PACSIN2: variants seen among roughly 807,000 people sequenced by gnomAD.
The protein encoded by PACSIN2 is protein kinase C and casein kinase substrate in neurons protein 2.
Under a neutral mutation model 63.8 loss-of-function variants are expected in PACSIN2, and 25 were observed. That is an observed-to-expected ratio of 0.39 (90% CI 0.29 to 0.55). PACSIN2 has a LOEUF of 0.55. Among genes scored for constraint, PACSIN2 ranks in the 20% least tolerant of loss-of-function variants. The pLI is 0.62. For synonymous variants in PACSIN2, 255 were observed against 256.2 expected (o/e 1.00, Z 0.05); for missense variants, 518 against 646.9 (o/e 0.80, Z 2.16).
chr22:43,010,398 A>ATATATATTTT lies in PACSIN2; in HGVS notation c.-78+4622_-78+4623insAAAATATATA. 3.0e-3 allele frequency among the ~76,000 whole-genome samples: 375 copies of ATATATATTTT among 126,402 alleles called. 5 individuals carry two copies. Among genetic ancestry groups the ATATATATTTT allele is most frequent in the African/African-American group, 9.4e-3 (334 of 35,348 alleles). 82.9% of individuals were successfully genotyped at this position (126,402 alleles called of 152,430 possible). A position where few individuals can be genotyped will look rare whatever the true frequency, so the allele number is the denominator to read the frequency against. Reference sequence around the variant, plus strand: ...TGTTTAAAAATACATATATATATATATTTTTTTTTAATTGAAAATAAAAAA... The same window carrying ATATATATTTT: ...TGTTTAAAAATACATATATATATATATATATATTTTTTTTTTTTTAATTGAAAATAAAAAA... On this transcript the variant is annotated intron_variant, in intron 1 of 10. Coordinates refer to ENST00000263246, the MANE Select transcript of PACSIN2 (RefSeq NM_001184970.3).
intron 1 of PACSIN2, among the ~76,000 whole-genome samples, chr22:42,950,659 C>T (rs1018427396): frequency 6.6e-6 from 1 of 152,198 alleles, no homozygotes; most frequent in African/African-American, 2.4e-5. Flanking sequence ...AAGTAGCATT[C>T]TTACGTCTAA....
intron 1 of PACSIN2, among the ~76,000 whole-genome samples, chr22:42,951,697 C>T (rs1365949512): frequency 6.6e-6 from 1 of 152,228 alleles, no homozygotes; most frequent in Non-Finnish European, 1.5e-5. Context: ...GTGGCCGCTT[C>T]ACACCACCTC....
intron 1 of PACSIN2, among the ~76,000 whole-genome samples, chr22:42,921,954 G>C (rs2146749396): frequency 1.3e-5 from 2 of 152,212 alleles, no homozygotes; most frequent in African/African-American, 4.8e-5. Context: ...GGCCAGGCTG[G>C]TCTCGAACTC....
Position 42,999,363 on chromosome 22 carries a change from G to A in PACSIN2, c.-78+15658C>T, listed in dbSNP as rs369963580. Among the ~76,000 whole-genome samples the A allele has an allele frequency of 3.9e-5, 6 of 152,234 alleles. No homozygotes were observed. In the South Asian group the frequency reaches 1.0e-3, roughly 26 times the overall value. On this transcript the variant is annotated intron_variant, in intron 1 of 10. Transcript: ENST00000263246. ...AATGTGTGTGTGTATGTGTGTGTAC[G>A]GAGGCATTAAAAAATCTGTCTACAG...
rs532872657 is a variant in PACSIN2 at position 42,928,972 on chromosome 22, G to A, written c.-77-16815C>T. Among the ~76,000 whole-genome samples, 3 of 152,344 alleles carry A rather than the reference G, an allele frequency of 2.0e-5. No individual in the cohort carries two copies. In the East Asian group the frequency reaches 5.8e-4, roughly 29 times the overall value. On this transcript the variant is annotated intron_variant, in intron 1 of 10. Coordinates refer to ENST00000263246, the MANE Select transcript of PACSIN2 (RefSeq NM_001184970.3). ...GAGAGTGGGATTCAACAAGCTCTTAGAGTTCTCTGAGTTTAAAATGTTTTA... is the reference window on the plus strand; with the variant it reads ...GAGAGTGGGATTCAACAAGCTCTTAAAGTTCTCTGAGTTTAAAATGTTTTA...
At chr22:42,909,610 C>T (rs534806972) in intron 2 of PACSIN2, 36 of 470,488 alleles carry the variant, frequency 7.7e-5, no homozygotes, top group African/African-American at 4.0e-4. Flanking sequence ...GAGCAGAGCC[C>T]GCCTGAGCAT....
chr22:42,879,639 G>T (rs1185184131), intron 7 of PACSIN2, among the ~76,000 whole-genome samples: 1 of 152,224 alleles, frequency 6.6e-6, no homozygotes, highest in African/African-American at 2.4e-5. Flanking sequence ...GTCCTGAAGT[G>T]CTGAAGATCC....
At chr22:42,888,222 C>T (rs1471842317) in intron 5 of PACSIN2, among the ~76,000 whole-genome samples, 1 of 152,158 alleles carries the variant, frequency 6.6e-6, no homozygotes, top group East Asian at 1.9e-4. Context: ...GTGATTTGGT[C>T]CTCATAACCC....
At position 42,983,970 on chromosome 22, in the gene PACSIN2, T is replaced by A. The variant is rs927508477; in HGVS notation, c.-78+31051A>T. Among the ~76,000 whole-genome samples, 11 of 143,208 alleles carry A rather than the reference T, an allele frequency of 7.7e-5. 1 individual carries two copies. The South Asian group carries it at 2.3e-3, about 30-fold the overall frequency. The allele number at this position is 143,208 out of a possible 152,430, so 94.0% of individuals were successfully genotyped here. On this transcript the variant is annotated intron_variant, in intron 1 of 10. Transcript: ENST00000263246. ...ATGGGCACAGCACTTAGCACTTTTT[T>A]TTTTTTTTTTTTTTTTTTGAGACAG...
At chr22:42,921,466 A>C in intron 1 of PACSIN2, among the ~76,000 whole-genome samples, 1 of 151,982 alleles carries the variant, frequency 6.6e-6, no homozygotes, top group Non-Finnish European at 1.5e-5. Flanking sequence ...ACTCTTACAG[A>C]GATGTGGCCA....
rs562805993 is a variant in PACSIN2 at position 42,988,301 on chromosome 22, C to T, written c.-78+26720G>A. On this transcript the variant is annotated intron_variant, in intron 1 of 10. Transcript: ENST00000263246. ...AGGACCCTCACAGTTACAAAGCCCA[C>T]GAGGACACAGACAGCTGTGGGATGT... 3.9e-5 allele frequency among the ~76,000 whole-genome samples: 6 copies of T among 152,232 alleles called. No individual in the cohort carries two copies. The South Asian group carries it at 1.0e-3, about 26-fold the overall frequency.
chr22:42,961,069 C>A (rs964038775), intron 1 of PACSIN2, among the ~76,000 whole-genome samples: 1 of 152,140 alleles, frequency 6.6e-6, no homozygotes, highest in Non-Finnish European at 1.5e-5. Flanking sequence ...CAGTTCAGGG[C>A]GGTTCCTCCT....
At chr22:42,977,073 T>C (rs887489061) in intron 1 of PACSIN2, among the ~76,000 whole-genome samples, 2 of 152,212 alleles carry the variant, frequency 1.3e-5, no homozygotes, top group Admixed American at 1.3e-4. Flanking sequence ...TGCAAATATA[T>C]AAACATATAT....
At chr22:42,933,996 G>A (rs759726904) in intron 1 of PACSIN2, among the ~76,000 whole-genome samples, 5 of 152,144 alleles carry the variant, frequency 3.3e-5, no homozygotes, top group Non-Finnish European at 7.4e-5. Flanking sequence ...AAGCTACAAT[G>A]ACTCACACTG....
intron 1 of PACSIN2, among the ~76,000 whole-genome samples, chr22:42,917,626 C>A (rs561658532): frequency 7.3e-5 from 10 of 137,022 alleles, no homozygotes; most frequent in African/African-American, 3.0e-4. Flanking sequence ...AAAAAACCAA[C>A]CAAACAAAAA....
chr22:43,004,494 G>A (rs1477127329), intron 1 of PACSIN2, among the ~76,000 whole-genome samples: 1 of 152,150 alleles, frequency 6.6e-6, no homozygotes, highest in Non-Finnish European at 1.5e-5. Flanking sequence ...CAGGCAGCCA[G>A]CTCCAGCCAA....
intron 2 of PACSIN2, among the ~76,000 whole-genome samples, chr22:42,901,899 C>T (rs942859905): frequency 3.3e-5 from 5 of 152,318 alleles, no homozygotes; most frequent in African/African-American, 4.8e-5. Context: ...TGGTTCAGCT[C>T]GGACCAGCTG....
chr22:43,000,354 C>T (rs1220447731), intron 1 of PACSIN2, among the ~76,000 whole-genome samples: 1 of 152,170 alleles, frequency 6.6e-6, no homozygotes, highest in African/African-American at 2.4e-5. Context: ...GAGAGAACTC[C>T]CCTCTCCCAC....
chr22:42,969,401 G>A (rs1921072911), intron 1 of PACSIN2, among the ~76,000 whole-genome samples: 1 of 152,136 alleles, frequency 6.6e-6, no homozygotes. Context: ...CCTGAAAGAT[G>A]TTAAGGAATA....
Sources: gnomAD v4.1 joint callset for allele counts (sites outside exome capture counted in the v4.1 genomes callset) on GRCh38, gnomAD v4.1.1 for gene constraint, MANE v1.5 for transcripts, NCBI Gene and HGNC (gene_info 2026-07-23, HGNC 2026-07-21) for gene names.